The following FSD1L variants were observed in gnomAD, a reference collection of about 807,000 sequenced individuals.
The protein encoded by FSD1L is FSD1-like protein.
In FSD1L, 45 loss-of-function variants were observed where a neutral mutation model predicts 71.6. The ratio of observed to expected loss-of-function variants is 0.63; its 90% CI spans 0.49 to 0.81. The LOEUF is 0.81. Ranked by LOEUF, FSD1L falls within the 30% of genes least tolerant of loss-of-function variation. FSD1L has a pLI of 0.00. For synonymous variants in FSD1L, 197 were observed against 207.2 expected, an observed-to-expected ratio of 0.95 and a Z score of 0.42; for missense variants, 561 against 618.1, an observed-to-expected ratio of 0.91 and a Z score of 0.98.
Position 105,534,386 on chromosome 9 carries a change from A to G in FSD1L, c.1026-107A>G, listed in dbSNP as rs1564148549. The G allele has an allele frequency of 4.9e-6, 3 of 613,338 alleles. No homozygotes were observed. In the Admixed American group the frequency reaches 8.8e-5, roughly 18 times the overall value. The allele number at this position is 613,338 out of a possible 1,614,324, so 38.0% of individuals were successfully genotyped here. On this transcript the variant is annotated intron_variant, in intron 10 of 13. Coordinates refer to ENST00000481272, the MANE Select transcript of FSD1L (RefSeq NM_001145313.3). ...AATTGAATGGTGTTATTTCTATAACATAATTAGAAATCTTTTCAGAGGTTC... is the reference window on the plus strand; with the variant it reads ...AATTGAATGGTGTTATTTCTATAACGTAATTAGAAATCTTTTCAGAGGTTC...
In FSD1L at chr9:105,524,010, T is replaced by A. The variant is rs1187270275; in HGVS notation, c.1026-10483T>A. 3.1e-6 allele frequency: 5 copies of A among 1,598,702 alleles called. No individual in the cohort carries two copies. The African/African-American group carries it at 6.7e-5, about 21-fold the overall frequency. The stretch of plus-strand genomic sequence containing the variant: ...TCCCAACTTATATTGTGAACTGCCT[T>A]CTCTTCATCCCAACATTCCTGATGT... On this transcript the variant is annotated intron_variant, in intron 10 of 13. Coordinates refer to ENST00000481272, the MANE Select transcript of FSD1L (RefSeq NM_001145313.3).
At chr9:105,520,988 G>A in intron 10 of FSD1L, 2 of 1,611,798 alleles carry the variant, frequency 1.2e-6, no homozygotes, top group South Asian at 1.1e-5. Flanking sequence ...CACATTTTAA[G>A]AAATATTACT....
Position 105,529,724 on chromosome 9 carries a change from A to T in FSD1L, c.1026-4769A>T, listed in dbSNP as rs529941749. Among the ~76,000 whole-genome samples the T allele has an allele frequency of 3.0e-4, 46 of 152,234 alleles. No homozygotes were observed. In the South Asian group the frequency reaches 8.7e-3, roughly 29 times the overall value. On this transcript the variant is annotated intron_variant, in intron 10 of 13. Transcript: ENST00000481272. Reference sequence around the variant, plus strand: ...CATGACACATGTATACCTATGTAACAAAACTGCACATTCTGCACATGTACC... The same window carrying T: ...CATGACACATGTATACCTATGTAACTAAACTGCACATTCTGCACATGTACC...
rs932229344 is a variant in FSD1L at position 105,448,302 on chromosome 9, C to T, written c.15+67C>T. On this transcript the variant is annotated intron_variant, in intron 1 of 13. Coordinates refer to ENST00000481272, the MANE Select transcript of FSD1L (RefSeq NM_001145313.3). ...GGCCGGCACAGGGTGGGCGGGGCGCCTGGGCCCGTGGGCTGTGGGTGCGCG... is the reference window on the plus strand; with the variant it reads ...GGCCGGCACAGGGTGGGCGGGGCGCTTGGGCCCGTGGGCTGTGGGTGCGCG... The T allele has an allele frequency of 4.2e-6, 6 of 1,413,346 alleles. No individual in the cohort carries two copies. The African/African-American group carries it at 7.5e-5, about 18-fold the overall frequency. 87.6% of individuals were successfully genotyped at this position (1,413,346 alleles called of 1,614,324 possible).
chr9:105,461,833 G>A (rs746511126), intron 2 of FSD1L, among the ~76,000 whole-genome samples: 3 of 152,104 alleles, frequency 2.0e-5, no homozygotes, highest in Non-Finnish European at 2.9e-5. Flanking sequence ...GGGCAACATA[G>A]TGAGACCTCG....
intron 10 of FSD1L, chr9:105,521,727 C>T (rs1357114539): frequency 5.0e-6 from 8 of 1,613,068 alleles, no homozygotes; most frequent in Non-Finnish European, 6.8e-6. Flanking sequence ...TACTGCTGAT[C>T]ATGTTCGAAA....
At chr9:105,530,393 G>C (rs1326042126) in intron 10 of FSD1L, 1 of 487,990 alleles carries the variant, frequency 2.0e-6, no homozygotes, top group African/African-American at 2.0e-5. Flanking sequence ...CTGGAATGCT[G>C]CAATGGAAGA....
chr9:105,523,871 T>A (rs371397164), intron 10 of FSD1L: 2 of 1,593,822 alleles, frequency 1.3e-6, no homozygotes, highest in East Asian at 2.2e-5. Flanking sequence ...GTTTGCCTGG[T>A]GCCACAATGC....
At chr9:105,532,105 C>A (rs1835930484) in intron 10 of FSD1L, among the ~76,000 whole-genome samples, 3 of 152,182 alleles carry the variant, frequency 2.0e-5, no homozygotes, top group Admixed American at 2.0e-4. Context: ...CCCTTGAGTT[C>A]AGCACATGGT....
intron 7 of FSD1L, among the ~76,000 whole-genome samples, chr9:105,505,703 A>C (rs1032750752): frequency 6.6e-6 from 1 of 152,218 alleles, no homozygotes; most frequent in Non-Finnish European, 1.5e-5. Flanking sequence ...AATTGATTTC[A>C]AATGTTTAAC....
At chr9:105,502,419 G>A (rs1198041065) in intron 7 of FSD1L, among the ~76,000 whole-genome samples, 1 of 151,996 alleles carries the variant, frequency 6.6e-6, no homozygotes, top group Non-Finnish European at 1.5e-5. Context: ...ACTCATACTT[G>A]GAGAATTTAC....
At chr9:105,504,610 C>G (rs1833945383) in intron 7 of FSD1L, among the ~76,000 whole-genome samples, 1 of 152,138 alleles carries the variant, frequency 6.6e-6, no homozygotes, top group Admixed American at 6.5e-5. Context: ...CTGGTTCTAG[C>G]ACCTTCGTTG....
At chr9:105,543,611 G>C (rs1003739942) in intron 13 of FSD1L, among the ~76,000 whole-genome samples, 2 of 151,904 alleles carry the variant, frequency 1.3e-5, no homozygotes, top group Non-Finnish European at 2.9e-5. Flanking sequence ...AGGCCCCGGT[G>C]TGTGATGTTC....
At chr9:105,494,917 G>C (rs1395873602) in intron 7 of FSD1L, among the ~76,000 whole-genome samples, 1 of 152,182 alleles carries the variant, frequency 6.6e-6, no homozygotes, top group African/African-American at 2.4e-5. Context: ...CCTATGGAGG[G>C]GGTGCCTCCC....
At chr9:105,486,883 A>G (rs959312783) in intron 7 of FSD1L, among the ~76,000 whole-genome samples, 1 of 152,172 alleles carries the variant, frequency 6.6e-6, no homozygotes, top group Non-Finnish European at 1.5e-5. Flanking sequence ...GGAGCTACCA[A>G]CATTAACTAG....
chr9:105,517,682 A>G (rs1016242444), intron 10 of FSD1L, among the ~76,000 whole-genome samples: 1 of 152,200 alleles, frequency 6.6e-6, no homozygotes, highest in Non-Finnish European at 1.5e-5. Flanking sequence ...GGAAAGAACC[A>G]TTGGTACCAG....
intron 11 of FSD1L, 82 bp from the exon 12 acceptor site, chr9:105,534,985 T>G: frequency 7.1e-7 from 1 of 1,409,330 alleles, no homozygotes; most frequent in Non-Finnish European, 9.7e-7. Context: ...TTTTTGTGTC[T>G]TTTTTTGGGA....
intron 12 of FSD1L, among the ~76,000 whole-genome samples, chr9:105,537,848 C>T (rs1836366414): frequency 6.6e-6 from 1 of 152,080 alleles, no homozygotes; most frequent in Non-Finnish European, 1.5e-5. Flanking sequence ...CATAGAAAGC[C>T]CTTAATAAGT....
Position 105,471,134 on chromosome 9 carries a change from G to T in FSD1L, c.340-770G>T, listed in dbSNP as rs1490865002. Reference sequence around the variant, plus strand: ...GCATATTAAACCTGCCACCAAAGTGGCCATGGGTCATGTCTTTTCTCTTGC... The same window carrying T: ...GCATATTAAACCTGCCACCAAAGTGTCCATGGGTCATGTCTTTTCTCTTGC... On this transcript the variant is annotated intron_variant, in intron 4 of 13. Coordinates refer to ENST00000481272, the MANE Select transcript of FSD1L (RefSeq NM_001145313.3). 3.9e-5 allele frequency among the ~76,000 whole-genome samples: 6 copies of T among 152,290 alleles called. No homozygotes were observed. The East Asian group carries it at 7.7e-4, about 20-fold the overall frequency.
Sources: allele counts gnomAD v4.1 joint callset (sites outside exome capture counted in the v4.1 genomes callset), GRCh38; gene constraint gnomAD v4.1.1; transcripts MANE v1.5; gene names NCBI Gene and HGNC (gene_info 2026-07-23, HGNC 2026-07-21).